Variants in MACROD2 observed in about 807,000 individuals in gnomAD.
MACROD2 encodes mono-ADP ribosylhydrolase 2, also known as ADP-ribose glycohydrolase MACROD2.
In MACROD2, 36 loss-of-function variants were observed where a neutral mutation model predicts 70.4. That is an observed-to-expected ratio of 0.51 (90% CI 0.39 to 0.68). MACROD2 has a LOEUF of 0.68. Ranked by LOEUF, MACROD2 falls within the 30% of genes least tolerant of loss-of-function variation. The pLI is 0.00. For synonymous variants in MACROD2, 172 were observed against 178.8 expected, an observed-to-expected ratio of 0.96 and a Z score of 0.30; for missense variants, 496 against 538.4, an observed-to-expected ratio of 0.92 and a Z score of 0.78.
chr20:15,595,824 A>T (rs2048739278), intron 8 of MACROD2, among the ~76,000 whole-genome samples: 1 of 151,610 alleles, frequency 6.6e-6, no homozygotes, highest in Non-Finnish European at 1.5e-5. Context: ...GTAACTTGGC[A>T]CACTAATAGA....
rs2072864639 is a variant in MACROD2 at position 14,823,067 on chromosome 20, C to T, written c.418+138108C>T. Among the ~76,000 whole-genome samples the T allele has an allele frequency of 2.6e-5, 4 of 151,954 alleles. No individual in the cohort carries two copies. The South Asian group carries it at 8.3e-4, about 32-fold the overall frequency. ...GATGACTAGTTTCTCTGTGTCTTTC[C>T]CTGTTCAGCAGTTATAGAGGCATGA... On this transcript the variant is annotated intron_variant, in intron 5 of 17. Coordinates refer to ENST00000684519, the MANE Select transcript of MACROD2 (RefSeq NM_001351661.2).
intron 2 of MACROD2, among the ~76,000 whole-genome samples, chr20:14,030,902 T>C (rs2053239148): frequency 6.6e-6 from 1 of 152,178 alleles, no homozygotes; most frequent in Non-Finnish European, 1.5e-5. Context: ...GCAAATTAAA[T>C]AGATGAAAGA....
chr20:15,602,766 G>A (rs1178368647), intron 8 of MACROD2, among the ~76,000 whole-genome samples: 1 of 152,204 alleles, frequency 6.6e-6, no homozygotes, highest in African/African-American at 2.4e-5. Flanking sequence ...AGTGAGACTA[G>A]TAGGAAAGTA....
intron 5 of MACROD2, among the ~76,000 whole-genome samples, chr20:14,971,231 A>T (rs2074688116): frequency 6.6e-6 from 1 of 152,194 alleles, no homozygotes; most frequent in South Asian, 2.1e-4. Context: ...GTACAGACAG[A>T]ACCATGCATG....
intron 8 of MACROD2, among the ~76,000 whole-genome samples, chr20:15,722,149 A>C (rs905221347): frequency 6.6e-5 from 10 of 152,186 alleles, no homozygotes; most frequent in African/African-American, 2.4e-4. Context: ...CTTAATAGTC[A>C]TTAAGGATAA....
intron 12 of MACROD2, among the ~76,000 whole-genome samples, chr20:15,963,736 A>G (rs2066098409): frequency 6.6e-6 from 1 of 152,136 alleles, no homozygotes; most frequent in African/African-American, 2.4e-5. Context: ...ATTAAAAGTG[A>G]CCTACTTTTT....
intron 8 of MACROD2, among the ~76,000 whole-genome samples, chr20:15,792,655 G>T (rs757759525): frequency 2.0e-5 from 3 of 152,162 alleles, no homozygotes; most frequent in Non-Finnish European, 4.4e-5. Flanking sequence ...AAAAAAGTTA[G>T]ATAATATCCA....
intron 3 of MACROD2, among the ~76,000 whole-genome samples, chr20:14,128,684 A>G (rs2054681842): frequency 6.6e-6 from 1 of 152,246 alleles, no homozygotes; most frequent in Non-Finnish European, 1.5e-5. Context: ...CTTGGCTTAA[A>G]GTGTCAAAGG....
At chr20:14,830,629 A>T (rs2122234044) in intron 5 of MACROD2, among the ~76,000 whole-genome samples, 1 of 152,258 alleles carries the variant, frequency 6.6e-6, no homozygotes, top group African/African-American at 2.4e-5. Context: ...ATTGAGAGAA[A>T]CCATATTCAA....
intron 5 of MACROD2, among the ~76,000 whole-genome samples, chr20:15,042,172 G>A (rs1285529230): frequency 1.3e-5 from 2 of 152,156 alleles, no homozygotes; most frequent in African/African-American, 2.4e-5. Context: ...AATAGAAAGT[G>A]AAATTCTGTA....
intron 3 of MACROD2, among the ~76,000 whole-genome samples, chr20:14,466,962 G>C (rs1318861092): frequency 6.6e-6 from 1 of 152,178 alleles, no homozygotes; most frequent in Non-Finnish European, 1.5e-5. Context: ...GTGCCTCCCA[G>C]TTAGGCTACT....
chr20:14,135,219 C>T (rs1281877608), intron 3 of MACROD2, among the ~76,000 whole-genome samples: 2 of 151,954 alleles, frequency 1.3e-5, no homozygotes, highest in African/African-American at 4.8e-5. Context: ...AATCTCCATA[C>T]CAATATCTGT....
intron 3 of MACROD2, among the ~76,000 whole-genome samples, chr20:14,363,783 C>A (rs382674): frequency 0.67 from 93,438 of 139,062 alleles, 31,718 homozygotes; most frequent in Non-Finnish European, 0.74. Flanking sequence ...CGCCACTGCA[C>A]TCCAGCCTGG....
chr20:15,900,652 TG>T (rs1203481986), intron 10 of MACROD2, among the ~76,000 whole-genome samples: 1 of 152,144 alleles, frequency 6.6e-6, no homozygotes, highest in Non-Finnish European at 1.5e-5. Context: ...TCTGTTTGAC[TG>T]GGAACGATCC....
In MACROD2 at chr20:15,515,454, C is replaced by A. The variant is rs2047554749; in HGVS notation, c.645+15607C>A. Among the ~76,000 whole-genome samples, 5 of 152,344 alleles carry A rather than the reference C, an allele frequency of 3.3e-5. 1 individual carries two copies. The South Asian group carries it at 1.0e-3, about 32-fold the overall frequency. The stretch of plus-strand genomic sequence containing the variant: ...TCCTGTTATCTCTGCTCAAATACTG[C>A]ATCTTTGGTGAATTTTTCCTTGGCC... On this transcript the variant is annotated intron_variant, in intron 8 of 17. Coordinates refer to ENST00000684519, the MANE Select transcript of MACROD2 (RefSeq NM_001351661.2).
chr20:14,878,083 G>A (rs919283775), intron 5 of MACROD2, among the ~76,000 whole-genome samples: 8 of 152,044 alleles, frequency 5.3e-5, no homozygotes, highest in Non-Finnish European at 7.4e-5. Context: ...ACCTGTAAGC[G>A]TAATTTTGCA....
At chr20:14,328,437 A>G (rs2122590111) in intron 3 of MACROD2, among the ~76,000 whole-genome samples, 1 of 152,166 alleles carries the variant, frequency 6.6e-6, no homozygotes, top group East Asian at 1.9e-4. Context: ...ATTCTAACCT[A>G]GAACATAAAT....
rs35279137 is a variant in MACROD2 at position 14,853,173 on chromosome 20, C to CTGTATGTGTGTGTGTG, written c.418+168217_418+168218insATGTGTGTGTGTGTGT. Among the ~76,000 whole-genome samples the CTGTATGTGTGTGTGTG allele has an allele frequency of 9.8e-3, 1,469 of 149,318 alleles. 31 individuals carry two copies. The highest frequency in any genetic ancestry group is 0.034 in the East Asian group (173 of 5,060). ...GTGTGAACAGTGTGTGTGTGTGTGTCTGTGTGTGTGTGTGTGTGTGTGTGT... is the reference window on the plus strand; with the variant it reads ...GTGTGAACAGTGTGTGTGTGTGTGTCTGTATGTGTGTGTGTGTGTGTGTGTGTGTGTGTGTGTGTGT... On this transcript the variant is annotated intron_variant, in intron 5 of 17. Coordinates refer to ENST00000684519, the MANE Select transcript of MACROD2 (RefSeq NM_001351661.2).
intron 8 of MACROD2, among the ~76,000 whole-genome samples, chr20:15,706,807 G>A (rs999153594): frequency 1.4e-4 from 22 of 152,170 alleles, no homozygotes; most frequent in African/African-American, 5.1e-4. Flanking sequence ...GTATTGAGAA[G>A]GAGGTGGATC....
Sources: allele counts gnomAD v4.1 joint callset (sites outside exome capture counted in the v4.1 genomes callset), GRCh38; gene constraint gnomAD v4.1.1; transcripts MANE v1.5; gene names NCBI Gene and HGNC (gene_info 2026-07-23, HGNC 2026-07-21).